The following IDUA variants were observed in gnomAD, a reference collection of about 807,000 sequenced individuals.
IDUA encodes alpha-L-iduronidase, also known as iduronidase alpha-L-.
IDUA carries 65 observed loss-of-function variants against 68.9 expected under a neutral mutation model. That is an observed-to-expected ratio of 0.94 (90% CI 0.77 to 1.16). The LOEUF is 1.16. IDUA is among the 50% of genes most tolerant of loss of function. The pLI is 0.00. For missense variants in IDUA, 1,046 were observed against 938.0 expected (o/e 1.12, Z -1.50); for synonymous variants, 529 against 433.6 (o/e 1.22, Z -2.73).
intron 2 of IDUA, chr4:988,213 T>A: frequency 7.5e-7 from 1 of 1,335,886 alleles, no homozygotes; most frequent in African/African-American, 1.5e-5. Context: ...GGTGCACCCG[T>A]GAGCATCCCT....
intron 4 of IDUA, 190 bp from the exon 5 acceptor site, chr4:1,001,278 C>T: frequency 1.6e-6 from 1 of 612,702 alleles, no homozygotes; most frequent in Non-Finnish European, 3.0e-6. Context: ...GCACCCCTAT[C>T]ACCCAGGCCG....
chr4:998,843 C>T (rs1382167374), intron 2 of IDUA, among the ~76,000 whole-genome samples: 1 of 148,218 alleles, frequency 6.7e-6, no homozygotes, highest in Non-Finnish European at 1.5e-5. Context: ...TCACAGCCTG[C>T]ACAGCCACCA....
At chr4:1,001,430 T>C (rs1715064756) in intron 4 of IDUA, 38 bp from the exon 5 acceptor site, 1 of 1,562,476 alleles carries the variant, frequency 6.4e-7, no homozygotes, top group Admixed American at 1.7e-5. Context: ...TGAGGCGAGA[T>C]TCACCTGTGC....
At position 991,607 on chromosome 4, in the gene IDUA, C is replaced by T. The variant is rs764941842; in HGVS notation, c.299+3658C>T. 2.5e-6 allele frequency: 4 copies of T among 1,593,300 alleles called. No individual in the cohort carries two copies. Among genetic ancestry groups the T allele is most frequent in the African/African-American group, 1.3e-5 (1 of 74,926 alleles). ...CACGAGCAGCTGCACCACAGCCTGG[C>T]CTTCAGCATCTCACGCAGACCCCGG... On this transcript the variant is annotated intron_variant, in intron 2 of 13. Coordinates refer to ENST00000514224, the MANE Select transcript of IDUA (RefSeq NM_000203.5).
chr4:1,003,828 C>A, intron 12 of IDUA, 184 bp from the exon 13 acceptor site: 1 of 781,542 alleles, frequency 1.3e-6, no homozygotes, highest in Non-Finnish European at 2.2e-6. Context: ...TCCTAGGGGA[C>A]ATGAGATGGA....
chr4:1,002,682 G>T, intron 8 of IDUA, 50 bp from the exon 9 acceptor site: 2 of 1,331,758 alleles, frequency 1.5e-6, no homozygotes. Flanking sequence ...TGGGTCGGGG[G>T]GCGGCTGGGC....
chr4:1,001,672 G>A lies in IDUA; in HGVS notation c.590-7G>A, dbSNP rs762411583. On this transcript the variant is annotated splice_region_variant and splice_polypyrimidine_tract_variant and intron_variant, in intron 5 of 13. Coordinates refer to ENST00000514224, the MANE Select transcript of IDUA (RefSeq NM_000203.5). Reference sequence around the variant, plus strand: ...GCAGGTGTAGACGCAGTGCTCCCCCGGCCCAGGCTTCCTGAACTACTACGA... The same window carrying A: ...GCAGGTGTAGACGCAGTGCTCCCCCAGCCCAGGCTTCCTGAACTACTACGA... 50 of 1,601,952 alleles carry A rather than the reference G, an allele frequency of 3.1e-5. No homozygotes were observed. Among genetic ancestry groups the A allele is most frequent in the Non-Finnish European group, 4.2e-5 (50 of 1,178,952 alleles).
chr4:988,787 T>C lies in IDUA; in HGVS notation c.299+838T>C, dbSNP rs1457979242. On this transcript the variant is annotated intron_variant, in intron 2 of 13. Transcript: ENST00000514224. Reference sequence around the variant, plus strand: ...AGCAGTGGCTTGCAGACGTCTGCTGTGGGTCCCCAGGAGGGAGCAGAGGCT... The same window carrying C: ...AGCAGTGGCTTGCAGACGTCTGCTGCGGGTCCCCAGGAGGGAGCAGAGGCT... 1.2e-5 allele frequency: 18 copies of C among 1,483,566 alleles called. No individual in the cohort carries two copies. The South Asian group carries it at 2.2e-4, about 18-fold the overall frequency. The allele number at this position is 1,483,566 out of a possible 1,614,324, so 91.9% of individuals were successfully genotyped here.
chr4:998,364 C>T (rs1714869535), intron 2 of IDUA, among the ~76,000 whole-genome samples: 1 of 152,148 alleles, frequency 6.6e-6, no homozygotes, highest in South Asian at 2.1e-4. Flanking sequence ...GGTGCTGTGG[C>T]ATGGGGAGAC....
intron 4 of IDUA, 123 bp downstream of exon 4, chr4:1,001,112 TG>T: frequency 1.4e-6 from 1 of 707,002 alleles, no homozygotes; most frequent in Non-Finnish European, 2.4e-6. Flanking sequence ...CAGGCCCTTG[TG>T]GGGGGATGGG....
At chr4:987,006 G>T, upstream of IDUA, 1 of 1,394,008 alleles carries the variant, frequency 7.2e-7, no homozygotes. Context: ...GGTCACATGG[G>T]GTGCGCGCCC....
chr4:1,003,030 C>T lies in IDUA; in HGVS notation c.1403-6C>T, dbSNP rs764919689. The stretch of plus-strand genomic sequence containing the variant: ...GGAGCCGAGGCCTGAGTGTCAGGCC[C>T]CGCAGGCCTGGTCTACGTCACGCGC... On this transcript the variant is annotated splice_polypyrimidine_tract_variant and splice_region_variant and intron_variant, in intron 9 of 13. Transcript: ENST00000514224. The T allele has an allele frequency of 6.7e-7, 1 of 1,489,428 alleles. No individual in the cohort carries two copies. 92.3% of individuals were successfully genotyped at this position (1,489,428 alleles called of 1,614,324 possible). A position where few individuals can be genotyped will look rare whatever the true frequency, so the allele number is the denominator to read the frequency against.
chr4:987,734 G>A (rs779748908), intron 1 of IDUA, 75 bp from the exon 2 acceptor site: 15 of 1,600,764 alleles, frequency 9.4e-6, no homozygotes, highest in Admixed American at 1.7e-5. Flanking sequence ...GCAGTCCTGG[G>A]CTTGAACGTG....
In IDUA at chr4:990,350, C is replaced by T. The variant is rs748877758; in HGVS notation, c.299+2401C>T. 2.4e-4 allele frequency: 389 copies of T among 1,599,900 alleles called. 1 individual carries two copies. Among genetic ancestry groups the T allele is most frequent in the Non-Finnish European group, 3.2e-4 (375 of 1,174,724 alleles). ...GCGGACACGAAGCCCAGCCGGAGGACGCCCATGAGGACCTGTGGACGGAGT... is the reference window on the plus strand; with the variant it reads ...GCGGACACGAAGCCCAGCCGGAGGATGCCCATGAGGACCTGTGGACGGAGT... On this transcript the variant is annotated intron_variant, in intron 2 of 13. Coordinates refer to ENST00000514224, the MANE Select transcript of IDUA (RefSeq NM_000203.5).
At chr4:990,953 C>T (rs919229808) in intron 2 of IDUA, 20 of 635,762 alleles carry the variant, frequency 3.1e-5, no homozygotes, top group African/African-American at 1.9e-4. Context: ...CTCTCCGCGT[C>T]GGTGCCTCGC....
At chr4:987,718 G>T in intron 1 of IDUA, 91 bp from the exon 2 acceptor site, 1 of 1,579,988 alleles carries the variant, frequency 6.3e-7, no homozygotes, top group Non-Finnish European at 8.6e-7. Flanking sequence ...TGGATCCTGC[G>T]CCCGGGCAGT....
rs761466989 is a variant in IDUA, at chr4:1,003,563, C to T, written c.1665C>T (p.Arg555=). ...CCCTCCCCCAGGTCACGCGGCTCCG[C>T]GCCCTGCCCCTGACCCAAGGGCAGC... The part of the protein sequence containing the change: ...EKPPGQVTRL[R]ALPLTQGQLV... The change falls in exon 12 of 14, where the codon CGC becomes CGT. Residue 555 remains arginine (R), a synonymous_variant. Transcript: ENST00000514224. 1.2e-5 allele frequency: 20 copies of T among 1,612,052 alleles called. No individual in the cohort carries two copies. The South Asian group carries it at 1.3e-4, about 11-fold the overall frequency.
At chr4:1,001,249 C>T (rs926883452) in intron 4 of IDUA, 3 of 425,584 alleles carry the variant, frequency 7.0e-6, no homozygotes, top group Non-Finnish European at 1.3e-5. Flanking sequence ...GGGCAGGCTG[C>T]ACCCCTATCA....
At position 988,531 on chromosome 4, in the gene IDUA, C is replaced by T. The variant is rs936024675; in HGVS notation, c.299+582C>T. ...GACCCTTGTTCAAATAAGATGTCAACCCTGAGCGTCAGGTCAGGCCCATCC... is the reference window on the plus strand; with the variant it reads ...GACCCTTGTTCAAATAAGATGTCAATCCTGAGCGTCAGGTCAGGCCCATCC... On this transcript the variant is annotated intron_variant, in intron 2 of 13. Coordinates refer to ENST00000514224, the MANE Select transcript of IDUA (RefSeq NM_000203.5). 4 of 1,220,448 alleles carry T rather than the reference C, an allele frequency of 3.3e-6. No homozygotes were observed. In the African/African-American group the frequency reaches 4.7e-5, roughly 14 times the overall value. 75.6% of individuals were successfully genotyped at this position (1,220,448 alleles called of 1,614,324 possible).
Sources: allele counts gnomAD v4.1 joint callset (sites outside exome capture counted in the v4.1 genomes callset), GRCh38; gene constraint gnomAD v4.1.1; transcripts MANE v1.5; gene names NCBI Gene and HGNC (gene_info 2026-07-23, HGNC 2026-07-21).